Variants in EPHA10 observed in about 807,000 individuals in gnomAD.
The protein encoded by EPHA10 is ephrin type-A receptor 10.
EPHA10 carries 120 observed loss-of-function variants against 109.7 expected under a neutral mutation model. That is an observed-to-expected ratio of 1.09 (90% CI 0.94 to 1.27). The LOEUF (loss-of-function observed/expected upper bound fraction) is 1.27, where lower values mean the gene tolerates loss of function less well. Among genes scored for constraint, EPHA10 ranks in the 50% most tolerant of loss-of-function variants. The pLI, the probability that EPHA10 is intolerant of heterozygous loss-of-function variation, is 0.00. For missense variants in EPHA10, 1,396 were observed against 1,411.1 expected, an observed-to-expected ratio of 0.99 and a Z score of 0.17; for synonymous variants, 640 against 618.9, an observed-to-expected ratio of 1.03 and a Z score of -0.51.
rs767112577 is a variant in EPHA10 at position 37,718,663 on chromosome 1, G to T, written c.2910C>A (p.Ala970=). ...GSLEAVAEMT[A]QDLVSLGISL... The stretch of plus-strand genomic sequence containing the variant: ...TGACCTTGGTGCCTTGGACTCACTG[G>T]GCAGTCATCTCGGCCACGGCCTCCA... The change falls in exon 16 of 17, where the codon GCC becomes GCA. Residue 970 remains alanine (A), a splice_region_variant and synonymous_variant. Transcript: ENST00000373048. 10 of 1,613,192 alleles carry T rather than the reference G, an allele frequency of 6.2e-6. No homozygotes were observed. The highest frequency in any genetic ancestry group is 8.5e-6 in the Non-Finnish European group (10 of 1,180,040).
intron 5 of EPHA10, among the ~76,000 whole-genome samples, chr1:37,739,526 T>C (rs931443586): frequency 1.3e-5 from 2 of 151,554 alleles, no homozygotes; most frequent in East Asian, 2.0e-4. Context: ...CTGTCTCTAC[T>C]AAAATTACAG....
intron 9 of EPHA10, 23 bp downstream of exon 9, chr1:37,723,288 C>A (rs1645832167): frequency 2.5e-6 from 4 of 1,612,700 alleles, no homozygotes; most frequent in Non-Finnish European, 3.4e-6. Flanking sequence ...CCGCCCCTCC[C>A]CAGCCAGGCC....
chr1:37,761,533 A>C lies in EPHA10; in HGVS notation c.722T>G (p.Val241Gly), dbSNP rs765586186. Residue 241 changes from valine to glycine, a missense_variant, in exon 3 of 17, where the codon GTG (valine) becomes GGG (glycine). Physicochemically the swap from Val to Gly is moderately radical, Grantham distance 109 (BLOSUM62 -3). Coordinates refer to ENST00000373048, the MANE Select transcript of EPHA10 (RefSeq NM_001099439.2). The stretch of plus-strand genomic sequence containing the variant: ...GCCAGGCTCCCCTTCCGAGTGCGCC[A>C]CGCACGTTCCGGCCACTTCCACCAG... Reference protein sequence around the residue: ...STLVEVAGTCVAHSEGEPGSP... With the variant: ...STLVEVAGTCGAHSEGEPGSP... 6.3e-7 allele frequency: 1 copy of C among 1,599,008 alleles called. No individual in the cohort carries two copies. The highest frequency in any genetic ancestry group is 8.5e-7 in the Non-Finnish European group (1 of 1,177,648).
chr1:37,718,871 G>A (rs911362733), intron 15 of EPHA10, 55 bp from the exon 16 acceptor site: 1 of 1,547,986 alleles, frequency 6.5e-7, no homozygotes, highest in Non-Finnish European at 8.7e-7. Flanking sequence ...GCCCACACCT[G>A]GTGGTCTCCC....
rs1645718449 is a variant in EPHA10, at chr1:37,717,988, C to G, written c.*384G>C. 3.6e-6 allele frequency: 1 copy of G among 281,306 alleles called. No homozygotes were observed. Among genetic ancestry groups the G allele is most frequent in the Non-Finnish European group, 6.7e-6 (1 of 148,216 alleles). 17.4% of individuals were successfully genotyped at this position (281,306 alleles called of 1,614,324 possible). A position where few individuals can be genotyped will look rare whatever the true frequency, so the allele number is the denominator to read the frequency against. On this transcript the variant is annotated 3_prime_UTR_variant, in exon 17 of 17. Coordinates refer to ENST00000373048, the MANE Select transcript of EPHA10 (RefSeq NM_001099439.2). ...TGGGTCTGTGGGAAAAGGGAACACC[C>G]CACGGGGTAGGCCCCAGCCCCCAGT... is the stretch of plus-strand genomic sequence containing the variant.
At chr1:37,722,723 C>A in intron 10 of EPHA10, 1 of 458,272 alleles carries the variant, frequency 2.2e-6, no homozygotes, top group Non-Finnish European at 4.2e-6. Context: ...TATGTCTGGC[C>A]CCTAAGCTTG....
At chr1:37,714,808 C>A (rs1645668500), downstream of EPHA10, 1 of 152,224 alleles carries the variant, frequency 6.6e-6, no homozygotes, top group Non-Finnish European at 1.5e-5. Flanking sequence ...GCAGAAGCTC[C>A]CCTCACAGCT....
intron 5 of EPHA10, among the ~76,000 whole-genome samples, 170 bp downstream of exon 5, chr1:37,752,706 G>A (rs1289570348): frequency 2.6e-5 from 4 of 151,522 alleles, no homozygotes; most frequent in African/African-American, 9.7e-5. Context: ...TGACGCTGGG[G>A]CGTCCGGGGG....
At chr1:37,733,172 C>T (rs769935741) in intron 6 of EPHA10, among the ~76,000 whole-genome samples, 8 of 151,688 alleles carry the variant, frequency 5.3e-5, no homozygotes, top group Non-Finnish European at 5.9e-5. Context: ...GGATTACAGG[C>T]GTGCACCACC....
intron 4 of EPHA10, 37 bp from the exon 5 acceptor site, chr1:37,753,263 C>A (rs1484949826): frequency 1.2e-5 from 3 of 256,670 alleles, no homozygotes; most frequent in East Asian, 2.7e-4. Flanking sequence ...CAGGGCGGGG[C>A]GTGGGTGCCC....
At chr1:37,761,098 A>C in intron 3 of EPHA10, 1 of 1,173,318 alleles carries the variant, frequency 8.5e-7, no homozygotes, top group Non-Finnish European at 1.1e-6. Flanking sequence ...TTAAAAAAAA[A>C]AAAAAACAAT....
chr1:37,731,436 G>A lies in EPHA10; in HGVS notation c.1638C>T (p.Ser546=), dbSNP rs748149299. 3 of 1,612,432 alleles carry A rather than the reference G, an allele frequency of 1.9e-6. No individual in the cohort carries two copies. Among genetic ancestry groups the A allele is most frequent in the Non-Finnish European group, 2.5e-6 (3 of 1,179,076 alleles). The part of the protein sequence containing the change: ...PSWEAQSFNP[S]IEVQTLGEAA... The stretch of plus-strand genomic sequence containing the variant: ...CCTCCCCCAGGGTCTGTACTTCAAT[G>A]CTGGGGTTAAAACTCTGGGCCTCCC... Residue 546 remains serine, a synonymous_variant, in exon 7 of 17, where the codon AGC becomes AGT. Transcript: ENST00000373048.
At chr1:37,746,602 C>A (rs1646246040) in intron 5 of EPHA10, among the ~76,000 whole-genome samples, 1 of 152,008 alleles carries the variant, frequency 6.6e-6, no homozygotes, top group South Asian at 2.1e-4. Flanking sequence ...GGTATATAGC[C>A]ATGAAAACTG....
chr1:37,746,819 A>G (rs1233927222), intron 5 of EPHA10, among the ~76,000 whole-genome samples: 1 of 152,242 alleles, frequency 6.6e-6, no homozygotes, highest in African/African-American at 2.4e-5. Flanking sequence ...GTGCTACAAT[A>G]TGGATGAAAC....
rs778989256 is a variant in EPHA10 at position 37,735,385 on chromosome 1, A to T, written c.1363T>A (p.Trp455Arg). 8.2e-5 allele frequency: 129 copies of T among 1,580,916 alleles called. No homozygotes were observed. Among genetic ancestry groups the T allele is most frequent in the Non-Finnish European group, 1.1e-4 (127 of 1,163,430 alleles). ...TCCCTGCGGATCTCATCCTCCTCCC[A>T]GGGCGCTGAAAGTAAGTTACGTGGG... ...VTVSTGPGAP[W>R]EEDEIRRDRV... Residue 455 changes from tryptophan to arginine, a missense_variant, in exon 6 of 17, where the codon TGG (tryptophan) becomes AGG (arginine). Transcript: ENST00000373048.
At chr1:37,732,021 C>T (rs996776211) in intron 6 of EPHA10, among the ~76,000 whole-genome samples, 12 of 141,192 alleles carry the variant, frequency 8.5e-5, no homozygotes, top group East Asian at 6.5e-4. Context: ...TTCCTTTCCT[C>T]GATGTCTGAT....
intron 5 of EPHA10, among the ~76,000 whole-genome samples, chr1:37,746,101 CTTTTT>C (rs111763214): frequency 7.8e-6 from 1 of 127,440 alleles, no homozygotes; most frequent in Non-Finnish European, 1.6e-5. Flanking sequence ...CTTTTCTTTT[CTTTTT>C]TTTTTTTTTT....
chr1:37,727,272 G>T, intron 7 of EPHA10, 62 bp from the exon 8 acceptor site: 1 of 1,348,144 alleles, frequency 7.4e-7, no homozygotes, highest in South Asian at 1.4e-5. Flanking sequence ...AAGCCCCAGG[G>T]CAGACTCCTG....
chr1:37,756,224 C>G (rs990373372), intron 3 of EPHA10, among the ~76,000 whole-genome samples: 1 of 152,208 alleles, frequency 6.6e-6, no homozygotes, highest in Non-Finnish European at 1.5e-5. Flanking sequence ...TTGTGCCTCT[C>G]TGGCCTCAAA....
Sources: allele counts gnomAD v4.1 joint callset (sites outside exome capture counted in the v4.1 genomes callset), GRCh38; gene constraint gnomAD v4.1.1; transcripts MANE v1.5; gene names NCBI Gene and HGNC (gene_info 2026-07-23, HGNC 2026-07-21).